The following PRKCH variants were observed in gnomAD, a reference collection of about 807,000 sequenced individuals.
PRKCH encodes the protein protein kinase C eta type.
Under a neutral mutation model 82.5 loss-of-function variants are expected in PRKCH, and 28 were observed. The observed-to-expected ratio is 0.34, with a 90% CI of 0.25 to 0.47. The LOEUF (loss-of-function observed/expected upper bound fraction) is 0.47. PRKCH is among the 20% of genes least tolerant of loss of function. The pLI, the probability that PRKCH is intolerant of heterozygous loss-of-function variation, is 1.00. For synonymous variants in PRKCH, 322 were observed against 327.4 expected, an observed-to-expected ratio of 0.98 and a Z score of 0.18; for missense variants, 705 against 881.8, an observed-to-expected ratio of 0.80 and a Z score of 2.54.
intron 1 of PRKCH, among the ~76,000 whole-genome samples, chr14:61,248,463 G>A (rs1273085441): frequency 6.6e-6 from 1 of 152,196 alleles, no homozygotes; most frequent in Admixed American, 6.5e-5. Context: ...ACCTGTGGAA[G>A]GGCAGATGGA....
chr14:61,458,771 T>A (rs942984706), intron 9 of PRKCH, among the ~76,000 whole-genome samples: 5 of 143,650 alleles, frequency 3.5e-5, no homozygotes, highest in African/African-American at 7.8e-5. Context: ...AGAGAGAGAG[T>A]GAAGGGGGAA....
At chr14:61,520,974 C>T (rs1487502291) in intron 10 of PRKCH, among the ~76,000 whole-genome samples, 2 of 152,098 alleles carry the variant, frequency 1.3e-5, no homozygotes, top group Non-Finnish European at 2.9e-5. Context: ...TTTAAAACAA[C>T]CCAAATGTTT....
chr14:61,540,148 T>C (rs892062962), intron 12 of PRKCH, among the ~76,000 whole-genome samples: 3 of 152,190 alleles, frequency 2.0e-5, no homozygotes, highest in Non-Finnish European at 4.4e-5. Flanking sequence ...GCCTCGGATT[T>C]TTTCCAGCCC....
intron 1 of PRKCH, among the ~76,000 whole-genome samples, chr14:61,291,062 C>G (rs1201251637): frequency 6.6e-6 from 1 of 152,144 alleles, no homozygotes; most frequent in African/African-American, 2.4e-5. Flanking sequence ...AGTGTTTGCT[C>G]CAACAAGATA....
chr14:61,522,425 G>GT (rs2042918566), intron 10 of PRKCH, among the ~76,000 whole-genome samples: 1 of 152,110 alleles, frequency 6.6e-6, no homozygotes, highest in African/African-American at 2.4e-5. Context: ...TCTGGTCCCT[G>GT]CTCTCTCCTG....
At chr14:61,527,764 G>A (rs1472798767) in intron 10 of PRKCH, among the ~76,000 whole-genome samples, 2 of 152,048 alleles carry the variant, frequency 1.3e-5, no homozygotes, top group Non-Finnish European at 2.9e-5. Flanking sequence ...CCTCTGTCCT[G>A]TGCTGCCCGC....
chr14:61,187,943 A>G (rs1445578937), intron 1 of PRKCH, among the ~76,000 whole-genome samples: 2 of 152,124 alleles, frequency 1.3e-5, no homozygotes, highest in Non-Finnish European at 2.9e-5. Context: ...AAATTATCCA[A>G]TCAGTTCATG....
intron 2 of PRKCH, among the ~76,000 whole-genome samples, chr14:61,410,298 A>G (rs772677551): frequency 3.6e-4 from 55 of 152,154 alleles, no homozygotes; most frequent in African/African-American, 1.3e-3. Flanking sequence ...TCTCTTATGC[A>G]TTTTGAAGGT....
chr14:61,449,928 G>T (rs796654511), intron 5 of PRKCH, among the ~76,000 whole-genome samples: 9 of 151,040 alleles, frequency 6.0e-5, no homozygotes, highest in African/African-American at 2.2e-4. Flanking sequence ...GTGTGTATGT[G>T]TATAAGCTTC....
In PRKCH at chr14:61,505,395, C is replaced by CTTTTTTTTTTTTTT. The variant is rs60304150; in HGVS notation, c.1433+19755_1433+19768dup. On this transcript the variant is annotated intron_variant, in intron 10 of 13. Coordinates refer to ENST00000332981, the MANE Select transcript of PRKCH (RefSeq NM_006255.5). ...TTTGTCTTTTCTTTTCTTTTCTTTT[C>CTTTTTTTTTTTTTT]TTTTTTTTTTTTTTTTTTTTTTTTT... 3.8e-4 allele frequency among the ~76,000 whole-genome samples: 21 copies of CTTTTTTTTTTTTTT among 55,760 alleles called. 1 individual carries two copies. Among genetic ancestry groups the CTTTTTTTTTTTTTT allele is most frequent in the South Asian group, 1.2e-3 (1 of 852 alleles). 36.6% of individuals were successfully genotyped at this position (55,760 alleles called of 152,430 possible).
At chr14:61,428,038 T>TAGATAG (rs767974892) in intron 2 of PRKCH, among the ~76,000 whole-genome samples, 17 of 29,984 alleles carry the variant, frequency 5.7e-4, no homozygotes, top group African/African-American at 8.2e-4. Context: ...CACAAATATA[T>TAGATAG]ATATATAGAT....
chr14:61,193,331 T>A (rs1467365912), intron 1 of PRKCH, among the ~76,000 whole-genome samples: 2 of 152,206 alleles, frequency 1.3e-5, no homozygotes, highest in African/African-American at 4.8e-5. Flanking sequence ...TTAAAAATAT[T>A]TTAGTATATT....
At chr14:61,465,391 G>T (rs1466167204) in intron 9 of PRKCH, among the ~76,000 whole-genome samples, 1 of 152,098 alleles carries the variant, frequency 6.6e-6, no homozygotes, top group African/African-American at 2.4e-5. Flanking sequence ...ATTTTTCAGT[G>T]ATTTTTTTAT....
In PRKCH at chr14:61,280,446, G is replaced by A. The variant is rs979897996; in HGVS notation, c.-19+92778G>A. ...TGTTGTTGGGGTCGGGGCTGAGCTC[G>A]TAGACTGGCCGGCGCCAGTTGGGCG... On this transcript the variant is annotated intron_variant, in intron 1 of 3. Coordinates refer to the PRKCH transcript ENST00000555185. The surrounding 1 kb of genome is among the most constrained non-coding windows in gnomAD (Gnocchi z 5.0). 6.2e-7 allele frequency: 1 copy of A among 1,613,878 alleles called. No homozygotes were observed. Among genetic ancestry groups the A allele is most frequent in the East Asian group, 2.2e-5 (1 of 44,864 alleles).
chr14:61,340,493 C>G (rs909396723), intron 1 of PRKCH, among the ~76,000 whole-genome samples: 3 of 152,166 alleles, frequency 2.0e-5, no homozygotes, highest in African/African-American at 7.2e-5. Flanking sequence ...ATGCCAAGGA[C>G]TTCCAAAGCT....
At chr14:61,309,410 AG>A (rs1347460224) in intron 1 of PRKCH, among the ~76,000 whole-genome samples, 1 of 152,198 alleles carries the variant, frequency 6.6e-6, no homozygotes, top group Non-Finnish European at 1.5e-5. Flanking sequence ...GCAGGCAGGA[AG>A]GATAAAGCAA....
At chr14:61,453,530 CTCTTTCTT>C (rs200744396) in intron 7 of PRKCH, among the ~76,000 whole-genome samples, 177 bp downstream of exon 7, 4 of 150,208 alleles carry the variant, frequency 2.7e-5, no homozygotes, top group African/African-American at 7.4e-5. Flanking sequence ...TTCTTTCTTT[CTCTTTCTT>C]TCTTTCTTCC....
chr14:61,332,880 T>C (rs951337699), intron 1 of PRKCH, among the ~76,000 whole-genome samples: 5 of 152,214 alleles, frequency 3.3e-5, no homozygotes, highest in African/African-American at 7.2e-5. Flanking sequence ...GGTTTTTGCG[T>C]CTGTGATGTT....
intron 1 of PRKCH, among the ~76,000 whole-genome samples, chr14:61,276,786 A>G (rs939092100): frequency 3.3e-5 from 5 of 152,300 alleles, no homozygotes; most frequent in African/African-American, 1.2e-4. Flanking sequence ...TGACAGGAAG[A>G]CGGCAACAGA....
Sources: gnomAD v4.1 joint callset for allele counts (sites outside exome capture counted in the v4.1 genomes callset) on GRCh38, gnomAD v4.1.1 for gene constraint, Gnocchi (gnomAD v3.1) non-coding constraint, MANE v1.5 for transcripts, NCBI Gene and HGNC (gene_info 2026-07-23, HGNC 2026-07-21) for gene names.